The following AGBL4 variants were observed in gnomAD, a reference collection of about 807,000 sequenced individuals.
AGBL4 encodes the protein AGBL carboxypeptidase 4.
AGBL4 carries 58 observed loss-of-function variants against 66.4 expected under a neutral mutation model. That is an observed-to-expected ratio of 0.87 (90% confidence interval 0.71 to 1.09). The LOEUF (loss-of-function observed/expected upper bound fraction) is 1.09. Ranked by LOEUF, AGBL4 falls within the 50% of genes least tolerant of loss-of-function variation. AGBL4 has a pLI of 0.00. For synonymous variants in AGBL4, 234 were observed against 222.9 expected, an observed-to-expected ratio of 1.05 and a Z score of -0.44; for missense variants, 579 against 631.0, an observed-to-expected ratio of 0.92 and a Z score of 0.88.
In AGBL4 at chr1:50,023,705, T is replaced by C. The variant is rs374188702; in HGVS notation, c.34+58A>G. ...GACCATGCCCGAGTCCCCTGTTGCC[T>C]GAGACCCAGGACAGCCTGGCCGCCT... On this transcript the variant is annotated intron_variant, in intron 1 of 13. Coordinates refer to ENST00000371839, the MANE Select transcript of AGBL4 (RefSeq NM_032785.4). 13 of 1,524,270 alleles carry C rather than the reference T, an allele frequency of 8.5e-6. No homozygotes were observed. In the African/African-American group the frequency reaches 1.1e-4, roughly 13 times the overall value. 94.4% of individuals were successfully genotyped at this position (1,524,270 alleles called of 1,614,324 possible).
At chr1:49,214,922 G>A (rs1306514771) in intron 4 of AGBL4, among the ~76,000 whole-genome samples, 1 of 152,126 alleles carries the variant, frequency 6.6e-6, no homozygotes, top group Non-Finnish European at 1.5e-5. Flanking sequence ...ACAAAGGGAA[G>A]TTATTTGTTC....
intron 3 of AGBL4, among the ~76,000 whole-genome samples, chr1:49,263,297 A>G (rs1653403294): frequency 6.6e-6 from 1 of 152,156 alleles, no homozygotes; most frequent in Non-Finnish European, 1.5e-5. Context: ...CTAAAACTTA[A>G]AGTATAATAA....
intron 1 of AGBL4, among the ~76,000 whole-genome samples, chr1:50,009,676 GAAA>G: frequency 7.6e-6 from 1 of 131,956 alleles, no homozygotes; most frequent in African/African-American, 2.8e-5. Context: ...AATCAGACAT[GAAA>G]AAAAAAAAAG....
intron 3 of AGBL4, among the ~76,000 whole-genome samples, chr1:49,312,953 C>T (rs923938802): frequency 7.2e-5 from 11 of 151,968 alleles, no homozygotes; most frequent in Admixed American, 2.0e-4. Context: ...TATACACATG[C>T]CAAGGTGGTT....
chr1:49,641,565 C>T (rs1312471205), intron 3 of AGBL4, among the ~76,000 whole-genome samples: 1 of 152,004 alleles, frequency 6.6e-6, no homozygotes, highest in South Asian at 2.1e-4. Context: ...ATCTTAGAGG[C>T]ATTTATTATT....
chr1:49,881,033 G>T (rs773320706), intron 1 of AGBL4, among the ~76,000 whole-genome samples: 1 of 152,114 alleles, frequency 6.6e-6, no homozygotes, highest in Non-Finnish European at 1.5e-5. Context: ...CACAGTGCGC[G>T]CACCCACTGG....
At chr1:48,830,328 C>T (rs1570771521) in intron 6 of AGBL4, among the ~76,000 whole-genome samples, 2 of 152,322 alleles carry the variant, frequency 1.3e-5, no homozygotes, top group Admixed American at 1.3e-4. Context: ...GGCATTGCAA[C>T]TCTACTTTAC....
chr1:49,808,138 C>T (rs897096979), intron 2 of AGBL4, among the ~76,000 whole-genome samples: 1 of 152,116 alleles, frequency 6.6e-6, no homozygotes, highest in Non-Finnish European at 1.5e-5. Context: ...ACAGTTCCTC[C>T]AGTAAAAGAT....
At chr1:49,871,053 G>A (rs774955580) in intron 1 of AGBL4, among the ~76,000 whole-genome samples, 20 of 152,014 alleles carry the variant, frequency 1.3e-4, no homozygotes, top group Admixed American at 6.6e-4. Flanking sequence ...CATGGAAGAG[G>A]CGGGCATGTG....
At chr1:48,973,721 C>T in intron 5 of AGBL4, among the ~76,000 whole-genome samples, 1 of 152,128 alleles carries the variant, frequency 6.6e-6, no homozygotes, top group South Asian at 2.1e-4. Flanking sequence ...CTTTCTCCCC[C>T]TAGACATATC....
chr1:49,025,040 T>TA (rs1557571946), intron 5 of AGBL4, among the ~76,000 whole-genome samples: 1 of 152,186 alleles, frequency 6.6e-6, no homozygotes, highest in African/African-American at 2.4e-5. Flanking sequence ...AGAGTTTGAG[T>TA]AACTGGCCCA....
At chr1:48,709,882 G>A (rs995483971) in intron 6 of AGBL4, among the ~76,000 whole-genome samples, 9 of 152,000 alleles carry the variant, frequency 5.9e-5, no homozygotes, top group Non-Finnish European at 1.0e-4. Flanking sequence ...GATTACAGGC[G>A]TGAGCCACCA....
chr1:48,689,420 C>T lies in AGBL4; in HGVS notation c.635-26179G>A, dbSNP rs375429249. 8.1e-3 allele frequency among the ~76,000 whole-genome samples: 1,216 copies of T among 150,930 alleles called. 21 individuals are homozygous for T. Among genetic ancestry groups the T allele is most frequent in the African/African-American group, 0.027 (1,115 of 40,554 alleles). On this transcript the variant is annotated intron_variant, in intron 6 of 13. Coordinates refer to ENST00000371839, the MANE Select transcript of AGBL4 (RefSeq NM_032785.4). ...ACCTACCTACCTTCCTTCCTTCCTT[C>T]CTTCCTTTCTTCTTTCCTTCCCTCC...
At chr1:49,844,656 G>A in intron 2 of AGBL4, 1 of 1,569,558 alleles carries the variant, frequency 6.4e-7, no homozygotes. Flanking sequence ...CTGGAACAGA[G>A]ATTAAGGGAC....
intron 1 of AGBL4, among the ~76,000 whole-genome samples, chr1:49,974,626 G>A (rs1173074593): frequency 6.6e-6 from 1 of 152,096 alleles, no homozygotes; most frequent in African/African-American, 2.4e-5. Context: ...TTTAACTGCA[G>A]TTCTCAGGAT....
intron 6 of AGBL4, among the ~76,000 whole-genome samples, chr1:48,796,369 C>CAATATCCAT (rs1570694034): frequency 6.6e-6 from 1 of 152,256 alleles, no homozygotes; most frequent in East Asian, 1.9e-4. Flanking sequence ...ATATCTAGCA[C>CAATATCCAT]AGTACTTACA....
At chr1:49,847,405 T>A (rs1242897072) in intron 2 of AGBL4, among the ~76,000 whole-genome samples, 2 of 151,958 alleles carry the variant, frequency 1.3e-5, no homozygotes, top group African/African-American at 4.8e-5. Context: ...CAAAAATAGA[T>A]CTATGGGACT....
chr1:48,955,962 T>A (rs1431748542), intron 5 of AGBL4, among the ~76,000 whole-genome samples: 1 of 152,234 alleles, frequency 6.6e-6, no homozygotes, highest in African/African-American at 2.4e-5. Flanking sequence ...CTTGCTAGAC[T>A]GAGCTTTCAC....
downstream of AGBL4, among the ~76,000 whole-genome samples, chr1:48,531,472 C>T (rs1643906201): frequency 6.6e-6 from 1 of 152,148 alleles, no homozygotes; most frequent in Non-Finnish European, 1.5e-5. Context: ...GACAGATGTT[C>T]GTTCAGATTC....
Sources: allele counts gnomAD v4.1 joint callset (sites outside exome capture counted in the v4.1 genomes callset), GRCh38; gene constraint gnomAD v4.1.1; transcripts MANE v1.5; gene names NCBI Gene and HGNC (gene_info 2026-07-23, HGNC 2026-07-21).